ATP8A1: variants seen among roughly 807,000 people sequenced by gnomAD.
ATP8A1 encodes the protein phospholipid-transporting ATPase IA.
Under a neutral mutation model 177.7 loss-of-function variants are expected in ATP8A1, and 90 were observed. The ratio of observed to expected loss-of-function variants is 0.51; its 90% confidence interval spans 0.43 to 0.60. The LOEUF is 0.60. Among genes scored for constraint, ATP8A1 ranks in the 20% least tolerant of loss-of-function variants. The probability of loss-of-function intolerance (pLI) is 0.00; values close to 1 mark genes in which losing one functional copy is unlikely to be tolerated. For missense variants in ATP8A1, 1,072 were observed against 1,392.8 expected (o/e 0.77, Z 3.67); for synonymous variants, 493 against 485.9 (o/e 1.01, Z -0.19).
intron 1 of ATP8A1, among the ~76,000 whole-genome samples, chr4:42,654,262 C>A (rs1031042317): frequency 3.3e-5 from 5 of 152,154 alleles, no homozygotes; most frequent in Non-Finnish European, 5.9e-5. Context: ...ACAGCATGCA[C>A]AATATTTAAT....
chr4:42,413,764 T>C (rs1712899530), intron 36 of ATP8A1, among the ~76,000 whole-genome samples: 1 of 152,242 alleles, frequency 6.6e-6, no homozygotes, highest in South Asian at 2.1e-4. Context: ...AATCCACAGA[T>C]GTGGAACCCA....
chr4:42,494,382 C>T (rs963124358), intron 24 of ATP8A1, among the ~76,000 whole-genome samples: 4 of 151,832 alleles, frequency 2.6e-5, no homozygotes, highest in Admixed American at 6.6e-5. Flanking sequence ...AGCTAAGGCA[C>T]GAGAATCGCT....
At chr4:42,466,438 A>G (rs1719775908) in intron 25 of ATP8A1, among the ~76,000 whole-genome samples, 1 of 152,214 alleles carries the variant, frequency 6.6e-6, no homozygotes, top group Non-Finnish European at 1.5e-5. Context: ...CTCTGCACAA[A>G]TATGTGCCTT....
chr4:42,623,498 G>A (rs1022078381), intron 4 of ATP8A1, among the ~76,000 whole-genome samples: 12 of 152,230 alleles, frequency 7.9e-5, no homozygotes, highest in East Asian at 1.9e-4. Flanking sequence ...TATACACCAC[G>A]GAATACTATG....
chr4:42,649,433 T>G (rs1488429904), intron 1 of ATP8A1, among the ~76,000 whole-genome samples: 1 of 152,176 alleles, frequency 6.6e-6, no homozygotes, highest in African/African-American at 2.4e-5. Flanking sequence ...ACTAAAATTC[T>G]AACATTGTAA....
At chr4:42,471,789 G>A (rs761674234) in intron 25 of ATP8A1, 3 of 465,468 alleles carry the variant, frequency 6.4e-6, no homozygotes, top group African/African-American at 2.0e-5. Flanking sequence ...TCCTAGGCTG[G>A]CGCTTAGCAA....
At chr4:42,421,874 A>G (rs1713980162) in intron 35 of ATP8A1, among the ~76,000 whole-genome samples, 1 of 152,120 alleles carries the variant, frequency 6.6e-6, no homozygotes. Context: ...GCAACTAATT[A>G]TAATTTCTTT....
intron 19 of ATP8A1, among the ~76,000 whole-genome samples, chr4:42,548,282 C>T (rs1729129376): frequency 6.6e-6 from 1 of 152,186 alleles, no homozygotes; most frequent in Non-Finnish European, 1.5e-5. Context: ...CGACTCATCT[C>T]CACCCCACAT....
intron 25 of ATP8A1, among the ~76,000 whole-genome samples, chr4:42,480,490 C>T (rs1050313733): frequency 1.3e-5 from 2 of 152,132 alleles, no homozygotes; most frequent in Admixed American, 1.3e-4. Flanking sequence ...TGCTTGGCAT[C>T]CAATGGTGTT....
intron 35 of ATP8A1, 29 bp downstream of exon 35, chr4:42,422,778 G>A (rs763601862): frequency 1.3e-6 from 2 of 1,545,842 alleles, no homozygotes; most frequent in African/African-American, 2.7e-5. Flanking sequence ...AGTTCATTTG[G>A]AAAAGAATAT....
chr4:42,480,954 C>G (rs970004629), intron 25 of ATP8A1, among the ~76,000 whole-genome samples: 25 of 152,178 alleles, frequency 1.6e-4, no homozygotes, highest in African/African-American at 6.0e-4. Context: ...GCTGGAGGCT[C>G]TAAGCCAATT....
chr4:42,542,740 T>C (rs1357778634), intron 20 of ATP8A1, among the ~76,000 whole-genome samples: 1 of 152,180 alleles, frequency 6.6e-6, no homozygotes. Context: ...TCCAGCTTCA[T>C]CCATGTCCCT....
chr4:42,493,707 G>C (rs867788710), intron 24 of ATP8A1, among the ~76,000 whole-genome samples: 43 of 152,064 alleles, frequency 2.8e-4, no homozygotes, highest in Non-Finnish European at 4.4e-4. Context: ...CTTTCCTCAG[G>C]CAGGTGACTT....
In ATP8A1 at chr4:42,543,679, A is replaced by G. The variant is rs543436829; in HGVS notation, c.1722+238T>C. Among the ~76,000 whole-genome samples, 3 of 152,338 alleles carry G rather than the reference A, an allele frequency of 2.0e-5. No homozygotes were observed. The South Asian group carries it at 6.2e-4, about 32-fold the overall frequency. On this transcript the variant is annotated intron_variant, in intron 20 of 36. Coordinates refer to ENST00000381668, the MANE Select transcript of ATP8A1 (RefSeq NM_006095.2). ...ATAGTATAAACCTCAAATATTATGT[A>G]TCAAAAATTGAATTATAAAAATAAC...
Position 42,455,401 on chromosome 4 carries a change from G to T in ATP8A1, c.2713C>A (p.Pro905Thr). 6.2e-7 allele frequency: 1 copy of T among 1,613,830 alleles called. No individual in the cohort carries two copies. Among genetic ancestry groups the T allele is most frequent in the Non-Finnish European group, 8.5e-7 (1 of 1,179,814 alleles). ...CTCTCAAATATTCCAAGAGTTAAAG[G>T]AGGCATTGCTGTAAACATCTAAAGC... Reference protein sequence around the residue: ...LYNVMFTAMPPLTLGIFERSC... With the variant: ...LYNVMFTAMPTLTLGIFERSC... The change falls in exon 29 of 37, where the codon CCT becomes ACT. Residue 905 changes from proline (P) to threonine (T), a missense_variant. Transcript: ENST00000381668.
At chr4:42,614,678 G>A (rs1334243707) in intron 5 of ATP8A1, among the ~76,000 whole-genome samples, 1 of 152,132 alleles carries the variant, frequency 6.6e-6, no homozygotes, top group East Asian at 1.9e-4. Context: ...TAGCCTTCAA[G>A]ACCCTATACA....
At chr4:42,581,183 G>A (rs1733006648) in intron 10 of ATP8A1, among the ~76,000 whole-genome samples, 1 of 151,972 alleles carries the variant, frequency 6.6e-6, no homozygotes, top group African/African-American at 2.4e-5. Flanking sequence ...GCCCAGGCTG[G>A]AGTACAGTGG....
intron 20 of ATP8A1, among the ~76,000 whole-genome samples, chr4:42,542,102 G>C (rs144665725): frequency 0.014 from 2,176 of 152,142 alleles, 51 homozygotes; most frequent in African/African-American, 0.051. Context: ...GTTGATAATG[G>C]GGAGGCTATG....
intron 25 of ATP8A1, among the ~76,000 whole-genome samples, chr4:42,484,332 C>A (rs1004130224): frequency 6.6e-6 from 1 of 152,162 alleles, no homozygotes; most frequent in African/African-American, 2.4e-5. Flanking sequence ...TTTGTTAATA[C>A]ATACCACAGA....
Sources: allele counts gnomAD v4.1 joint callset (sites outside exome capture counted in the v4.1 genomes callset), GRCh38; gene constraint gnomAD v4.1.1; transcripts MANE v1.5; gene names NCBI Gene and HGNC (gene_info 2026-07-23, HGNC 2026-07-21).